GRM4: variants seen among roughly 807,000 people sequenced by gnomAD.
GRM4 encodes the protein metabotropic glutamate receptor 4.
GRM4 carries 28 observed loss-of-function variants against 81.7 expected under a neutral mutation model. That is an observed-to-expected ratio of 0.34 (90% CI 0.25 to 0.47). The LOEUF is 0.47. Among genes scored for constraint, GRM4 ranks in the 20% least tolerant of loss-of-function variants. GRM4 has a pLI of 1.00. For missense variants in GRM4, 948 were observed against 1,290.0 expected (o/e 0.73, Z 4.06); for synonymous variants, 488 against 528.8 (o/e 0.92, Z 1.06).
At chr6:34,131,726 C>T (rs577544676) in intron 2 of GRM4, among the ~76,000 whole-genome samples, 1 of 152,290 alleles carries the variant, frequency 6.6e-6, no homozygotes, top group South Asian at 2.1e-4. Context: ...CTAATGGCTT[C>T]CAGAAAGAGT....
intron 4 of GRM4, chr6:34,061,453 T>C (rs944714207): frequency 1.9e-5 from 3 of 156,098 alleles, no homozygotes; most frequent in Admixed American, 1.9e-4. Flanking sequence ...AAGCCTTTTA[T>C]GCACATTCCT....
intron 6 of GRM4, among the ~76,000 whole-genome samples, chr6:34,050,246 C>T (rs1008065228): frequency 6.6e-6 from 1 of 152,180 alleles, no homozygotes; most frequent in African/African-American, 2.4e-5. Flanking sequence ...CTCTCTCTCA[C>T]GGCCTTCAGG....
At chr6:34,056,754 C>G in intron 5 of GRM4, 70 bp from the exon 6 acceptor site, 6 of 1,541,246 alleles carry the variant, frequency 3.9e-6, no homozygotes, top group Non-Finnish European at 5.3e-6. Context: ...TCCCCGCCTC[C>G]CCCAGGATAA....
intron 2 of GRM4, among the ~76,000 whole-genome samples, chr6:34,100,635 A>C (rs1768784977): frequency 6.6e-6 from 1 of 152,244 alleles, no homozygotes; most frequent in South Asian, 2.1e-4. Flanking sequence ...TGGAGCGGAC[A>C]TCCGAGTGGG....
At chr6:34,127,082 G>T (rs751348679) in intron 2 of GRM4, among the ~76,000 whole-genome samples, 3 of 152,066 alleles carry the variant, frequency 2.0e-5, no homozygotes, top group Non-Finnish European at 2.9e-5. Context: ...TTTAGCTCAT[G>T]AACTGTACAA....
Position 34,068,934 on chromosome 6 carries a change from GA to G in GRM4, c.737-6907del, listed in dbSNP as rs1766631616. 6.6e-6 allele frequency among the ~76,000 whole-genome samples: 1 copy of G among 152,058 alleles called. No homozygotes were observed. Among genetic ancestry groups the G allele is most frequent in the Admixed American group, 6.5e-5 (1 of 15,274 alleles). ...CTCGCTTTCTCCCTTCCTTTAAAAA[GA>G]ATTTTTTTTTAATTTAAAAAGAGAG... On this transcript the variant is annotated intron_variant, in intron 3 of 10. Transcript: ENST00000538487. This position sits in a 1 kb window ranked among gnomAD's most constrained non-coding sequence, Gnocchi z 4.2.
At position 34,020,980 on chromosome 6, in the gene GRM4, G is replaced by A. The variant is rs1485875309; in HGVS notation, c.*1841C>T. The A allele has an allele frequency of 6.6e-6, 1 of 152,400 alleles. No individual in the cohort carries two copies. The highest frequency in any genetic ancestry group is 1.5e-5 in the Non-Finnish European group (1 of 68,170). The allele number at this position is 152,400 out of a possible 1,614,324, so 9.4% of individuals were successfully genotyped here. A position where few individuals can be genotyped will look rare whatever the true frequency, so the allele number is the denominator to read the frequency against. On this transcript the variant is annotated 3_prime_UTR_variant, in exon 11 of 11. Transcript: ENST00000538487. ...GGTGGGAGGGGGTGCAGGACCCAGG[G>A]GCAGGGCAGGAGGGGACGGCACAGG...
chr6:34,050,923 G>A (rs1004278040), intron 6 of GRM4, among the ~76,000 whole-genome samples: 2 of 152,186 alleles, frequency 1.3e-5, no homozygotes, highest in African/African-American at 2.4e-5. Context: ...CAGGCTCTTC[G>A]TCTATGCTGT....
At chr6:34,032,072 C>A (rs1216639974) in intron 9 of GRM4, among the ~76,000 whole-genome samples, 1 of 152,100 alleles carries the variant, frequency 6.6e-6, no homozygotes, top group Non-Finnish European at 1.5e-5. Context: ...TCCACCTGCA[C>A]ACACTCACTA....
At chr6:34,108,809 G>T (rs60784100) in intron 2 of GRM4, among the ~76,000 whole-genome samples, 3,760 of 152,138 alleles carry the variant, frequency 0.025, 112 homozygotes, top group African/African-American at 0.075. Flanking sequence ...TGCCCACCGA[G>T]GTCCCCTGCT....
chr6:34,123,084 G>A (rs951644962), intron 2 of GRM4, among the ~76,000 whole-genome samples: 2 of 152,174 alleles, frequency 1.3e-5, no homozygotes, highest in Non-Finnish European at 2.9e-5. Context: ...CAGAGAGGGC[G>A]GCCACGTTAC....
At chr6:34,155,478 C>A in exon 1 of GRM4, 2 of 836,974 alleles carry the variant, frequency 2.4e-6, no homozygotes, top group Non-Finnish European at 3.5e-6. Context: ...ACCTAGAGAG[C>A]TTTAAAATTT....
At position 34,022,741 on chromosome 6, in the gene GRM4, G is replaced by A. The variant is rs919284669; in HGVS notation, c.*80C>T. The A allele has an allele frequency of 7.9e-7, 1 of 1,272,110 alleles. No individual in the cohort carries two copies. Among genetic ancestry groups the A allele is most frequent in the African/African-American group, 1.5e-5 (1 of 68,310 alleles). The allele number at this position is 1,272,110 out of a possible 1,614,324, so 78.8% of individuals were successfully genotyped here. On this transcript the variant is annotated 3_prime_UTR_variant, in exon 11 of 11. Transcript: ENST00000538487. This position sits in a 1 kb window ranked among gnomAD's most constrained non-coding sequence, Gnocchi z 5.6. Reference sequence around the variant, plus strand: ...GCCCACGGGCAGGCAAGACAGCTGGGCCCTTGGGTGTGGCCCTGGCCCGAC... The same window carrying A: ...GCCCACGGGCAGGCAAGACAGCTGGACCCTTGGGTGTGGCCCTGGCCCGAC...
chr6:34,105,630 C>T (rs11753413), intron 2 of GRM4, among the ~76,000 whole-genome samples: 77,908 of 151,804 alleles, frequency 0.51, 20,520 homozygotes, highest in Admixed American at 0.59. Flanking sequence ...GGGCCTGGGA[C>T]TGCCTTCTCA....
chr6:34,131,497 T>G (rs1021860081), intron 2 of GRM4, among the ~76,000 whole-genome samples: 1 of 152,088 alleles, frequency 6.6e-6, no homozygotes, highest in Non-Finnish European at 1.5e-5. Flanking sequence ...CATACACAGG[T>G]GGGCGCACAC....
At position 34,111,421 on chromosome 6, in the gene GRM4, C is replaced by A. The variant is rs1769379070; in HGVS notation, c.520-19322G>T. On this transcript the variant is annotated intron_variant, in intron 2 of 10. Coordinates refer to ENST00000538487, the MANE Select transcript of GRM4 (RefSeq NM_000841.4). This position sits in a 1 kb window ranked among gnomAD's most constrained non-coding sequence, Gnocchi z 5.1. ...ACACACACACACACACAAACACACA[C>A]ACATAGAGTCAGCACTGGTGGAGGC... 6.6e-6 allele frequency among the ~76,000 whole-genome samples: 1 copy of A among 152,218 alleles called. No homozygotes were observed. Among genetic ancestry groups the A allele is most frequent in the South Asian group, 2.1e-4 (1 of 4,828 alleles).
chr6:34,142,971 C>A (rs559183801), intron 1 of GRM4, among the ~76,000 whole-genome samples: 1 of 152,230 alleles, frequency 6.6e-6, no homozygotes, highest in Non-Finnish European at 1.5e-5. Flanking sequence ...ATATATCTCG[C>A]TCCTGAAAAT....
At chr6:34,079,948 A>G (rs1453148619) in intron 3 of GRM4, among the ~76,000 whole-genome samples, 1 of 151,096 alleles carries the variant, frequency 6.6e-6, no homozygotes, top group East Asian at 1.9e-4. Flanking sequence ...TCTGCTCCTG[A>G]CCCTCCAACG....
rs1262683461 is a variant in GRM4 at position 34,091,394 on chromosome 6, A to T, written c.736+489T>A. ...AGTTCCTCAAACCCCACCCACAGGG[A>T]CACCTTCTTTACTGATGCCCAAACC... On this transcript the variant is annotated intron_variant, in intron 3 of 10. Transcript: ENST00000538487. Among the ~76,000 whole-genome samples the T allele has an allele frequency of 2.0e-5, 3 of 152,208 alleles. No individual in the cohort carries two copies. In the East Asian group the frequency reaches 5.8e-4, roughly 29 times the overall value.
Sources: allele counts gnomAD v4.1 joint callset (sites outside exome capture counted in the v4.1 genomes callset), GRCh38; gene constraint gnomAD v4.1.1; non-coding constraint Gnocchi (gnomAD v3.1); transcripts MANE v1.5; gene names NCBI Gene and HGNC (gene_info 2026-07-23, HGNC 2026-07-21).